Variants in THAP4 observed in about 807,000 individuals in gnomAD.
THAP4 encodes THAP domain containing 4.
In THAP4, 18 loss-of-function variants were observed where a neutral mutation model predicts 48.1. That is an observed-to-expected ratio of 0.37 (90% CI 0.26 to 0.56). THAP4 has a LOEUF of 0.56. Among genes scored for constraint, THAP4 ranks in the 20% least tolerant of loss-of-function variants. The pLI is 0.78. For missense variants in THAP4, 656 were observed against 774.9 expected (o/e 0.85, Z 1.82); for synonymous variants, 345 against 324.9 (o/e 1.06, Z -0.66).
chr2:241,587,205 T>C (rs2066905055), intron 5 of THAP4, among the ~76,000 whole-genome samples: 1 of 152,138 alleles, frequency 6.6e-6, no homozygotes, highest in Non-Finnish European at 1.5e-5. Flanking sequence ...AGATCTACCC[T>C]CCATGAGGGT....
At position 241,612,223 on chromosome 2, in the gene THAP4, A is replaced by T. The variant is rs1380105040; in HGVS notation, c.1241-5750T>A. Among the ~76,000 whole-genome samples, 2 of 152,208 alleles carry T rather than the reference A, an allele frequency of 1.3e-5. No individual in the cohort carries two copies. Among genetic ancestry groups the T allele is most frequent in the Non-Finnish European group, 2.9e-5 (2 of 68,042 alleles). ...AGCACAGGGAGAAACAAACACCGGGAAACACAGCGGAACACAGAGGACAGA... is the reference window on the plus strand; with the variant it reads ...AGCACAGGGAGAAACAAACACCGGGTAACACAGCGGAACACAGAGGACAGA... On this transcript the variant is annotated intron_variant, in intron 2 of 5. Transcript: ENST00000407315. The surrounding 1 kb of genome is among the most constrained non-coding windows in gnomAD (Gnocchi z 4.1).
At position 241,633,658 on chromosome 2, in the gene THAP4, C is replaced by A; in HGVS notation, c.499G>T (p.Ala167Ser). ...AAQEAASQEQ[A>S]QQALERTPGD... ...GGAGTCCGTTCCAGAGCTTGCTGGGCCTGCTCCTGGCTGGCGGCCTCCTGG... is the reference window on the plus strand; with the variant it reads ...GGAGTCCGTTCCAGAGCTTGCTGGGACTGCTCCTGGCTGGCGGCCTCCTGG... The change falls in exon 2 of 6, where the codon GCC becomes TCC. Residue 167 changes from alanine to serine, a missense_variant. Around this residue, in one of 4 missense-constraint regions of THAP4, gnomAD observed 391 missense variants for 412.4 expected, o/e 0.95. Coordinates refer to ENST00000407315, the MANE Select transcript of THAP4 (RefSeq NM_015963.6). The surrounding 1 kb of genome is among the most constrained non-coding windows in gnomAD (Gnocchi z 7.5). The A allele has an allele frequency of 1.2e-6, 2 of 1,612,346 alleles. No individual in the cohort carries two copies. Among genetic ancestry groups the A allele is most frequent in the African/African-American group, 1.3e-5 (1 of 75,052 alleles).
chr2:241,620,479 GTGAGTGA>G (rs1346324734), intron 2 of THAP4, among the ~76,000 whole-genome samples: 2 of 140,202 alleles, frequency 1.4e-5, no homozygotes, highest in South Asian at 2.4e-4. Flanking sequence ...GAGTGAGTTG[GTGAGTGA>G]GGAGTGAGTG....
chr2:241,633,562 C>G lies in THAP4; in HGVS notation c.595G>C (p.Asp199His), dbSNP rs778022736. The G allele has an allele frequency of 6.2e-7, 1 of 1,613,854 alleles. No homozygotes were observed. The highest frequency in any genetic ancestry group is 1.7e-5 in the Admixed American group (1 of 60,008). Reference sequence around the variant, plus strand: ...TCGATGGAGGAAGTGGCGCTCTCATCGCCAGCATCTGTGGCAGACGCTTCT... The same window carrying G: ...TCGATGGAGGAAGTGGCGCTCTCATGGCCAGCATCTGTGGCAGACGCTTCT... ...KAEASATDAG[D>H]ESATSSIEGG... The change falls in exon 2 of 6, where the codon GAT becomes CAT. Residue 199 changes from aspartate (D) to histidine (H), a missense_variant. By Grantham distance (81) the Asp-to-His change is moderately conservative (BLOSUM62 -1). Around this residue, in one of 4 missense-constraint regions of THAP4, gnomAD observed 391 missense variants for 412.4 expected, o/e 0.95. Coordinates refer to ENST00000407315, the MANE Select transcript of THAP4 (RefSeq NM_015963.6). This position sits in a 1 kb window ranked among gnomAD's most constrained non-coding sequence, Gnocchi z 7.5.
At chr2:241,629,499 T>G (rs953966879) in intron 2 of THAP4, among the ~76,000 whole-genome samples, 4 of 149,170 alleles carry the variant, frequency 2.7e-5, no homozygotes, top group African/African-American at 7.4e-5. Flanking sequence ...AAGAAAAAAT[T>G]GAAACATATC....
chr2:241,628,748 CAAAAAACAAAAAAAACA>C lies in THAP4; in HGVS notation c.1240+4152_1240+4168del, dbSNP rs1369496640. Among the ~76,000 whole-genome samples, 34 of 137,666 alleles carry C rather than the reference CAAAAAACAAAAAAAACA, an allele frequency of 2.5e-4. No individual in the cohort carries two copies. The East Asian group carries it at 7.2e-3, about 29-fold the overall frequency. 90.3% of individuals were successfully genotyped at this position (137,666 alleles called of 152,430 possible). A position where few individuals can be genotyped will look rare whatever the true frequency, so the allele number is the denominator to read the frequency against. On this transcript the variant is annotated intron_variant, in intron 2 of 5. Coordinates refer to ENST00000407315, the MANE Select transcript of THAP4 (RefSeq NM_015963.6). ...AACCCCATCTCTACAAAAAAAAAAA[CAAAAAACAAAAAAAACA>C]AAAAAACAAAAAAACACACAAAAAA... is the stretch of plus-strand genomic sequence containing the variant.
rs1329949894 is a variant in THAP4, at chr2:241,610,097, G to A, written c.1241-3624C>T. Among the ~76,000 whole-genome samples, 1 of 152,178 alleles carries A rather than the reference G, an allele frequency of 6.6e-6. No homozygotes were observed. Among genetic ancestry groups the A allele is most frequent in the African/African-American group, 2.4e-5 (1 of 41,460 alleles). ...CCTGGGTCCCGAGGGCCCCGAGGAA[G>A]AGGCCAAGGGGCCTGGCGGCGCCCC... On this transcript the variant is annotated intron_variant, in intron 2 of 5. Coordinates refer to ENST00000407315, the MANE Select transcript of THAP4 (RefSeq NM_015963.6). The surrounding 1 kb of genome is among the most constrained non-coding windows in gnomAD (Gnocchi z 4.2).
intron 2 of THAP4, 146 bp from the exon 3 acceptor site, chr2:241,606,619 T>C: frequency 1.4e-6 from 1 of 740,230 alleles, no homozygotes; most frequent in Non-Finnish European, 2.1e-6. Context: ...GAGAAAATGG[T>C]CAAGCAACTG....
At position 241,612,724 on chromosome 2, in the gene THAP4, G is replaced by A. The variant is rs2067291759; in HGVS notation, c.1241-6251C>T. On this transcript the variant is annotated intron_variant, in intron 2 of 5. Coordinates refer to ENST00000407315, the MANE Select transcript of THAP4 (RefSeq NM_015963.6). This position sits in a 1 kb window ranked among gnomAD's most constrained non-coding sequence, Gnocchi z 4.1. ...AAGGTGCAGAACACACACATCTACA[G>A]AGACAGAACGTGGGTCAGTGTTTCT... is the stretch of plus-strand genomic sequence containing the variant. Among the ~76,000 whole-genome samples, 1 of 152,230 alleles carries A rather than the reference G, an allele frequency of 6.6e-6. No individual in the cohort carries two copies. The highest frequency in any genetic ancestry group is 2.1e-4 in the South Asian group (1 of 4,832).
intron 2 of THAP4, among the ~76,000 whole-genome samples, chr2:241,624,802 A>G (rs2067477056): frequency 6.6e-6 from 1 of 152,104 alleles, no homozygotes; most frequent in Non-Finnish European, 1.5e-5. Flanking sequence ...CTCATCTGGG[A>G]GCCCCCCAAG....
At chr2:241,636,676 C>A (rs2067665018) in intron 1 of THAP4, among the ~76,000 whole-genome samples, 1 of 152,142 alleles carries the variant, frequency 6.6e-6, no homozygotes, top group East Asian at 1.9e-4. Flanking sequence ...CCAGAGCGTG[C>A]GGCTTCTGAA....
chr2:241,637,349 A>C (rs2067692842), upstream of THAP4: 5 of 1,311,852 alleles, frequency 3.8e-6, no homozygotes, highest in Non-Finnish European at 4.9e-6. Flanking sequence ...GGGCGCGCCG[A>C]GCACGTCCGT....
Position 241,621,414 on chromosome 2 carries a change from G to C in THAP4, c.1240+11503C>G, listed in dbSNP as rs144656324. 1.1e-3 allele frequency among the ~76,000 whole-genome samples: 173 copies of C among 152,208 alleles called. 1 individual carries two copies. The highest frequency in any genetic ancestry group is 3.8e-3 in the African/African-American group (156 of 41,528). On this transcript the variant is annotated intron_variant, in intron 2 of 5. Transcript: ENST00000407315. ...CTAAGGGCTCTAATGGAAAAAGTGG[G>C]TGATAGGCAAGAAAACATGGGCAAT...
chr2:241,632,578 C>G (rs1005578381), intron 2 of THAP4, among the ~76,000 whole-genome samples: 14 of 152,244 alleles, frequency 9.2e-5, no homozygotes, highest in African/African-American at 3.1e-4. Flanking sequence ...CCTAACTCAT[C>G]TGGAATTTCT....
chr2:241,636,568 G>A (rs992889223), intron 1 of THAP4, among the ~76,000 whole-genome samples: 2 of 152,222 alleles, frequency 1.3e-5, no homozygotes, highest in Non-Finnish European at 2.9e-5. Context: ...GCGTCTGCCC[G>A]GTCGCTCCTG....
intron 1 of THAP4, among the ~76,000 whole-genome samples, chr2:241,635,364 G>C (rs575700717): frequency 6.6e-6 from 1 of 152,226 alleles, no homozygotes; most frequent in South Asian, 2.1e-4. Flanking sequence ...AGCAACCAGC[G>C]CAGGAAGATA....
chr2:241,619,432 C>T (rs944221920), intron 2 of THAP4, among the ~76,000 whole-genome samples: 3 of 152,242 alleles, frequency 2.0e-5, no homozygotes, highest in African/African-American at 4.8e-5. Flanking sequence ...CCGCGTACCA[C>T]GCACCTAGGC....
At chr2:241,625,685 C>A (rs2067487297) in intron 2 of THAP4, among the ~76,000 whole-genome samples, 1 of 147,788 alleles carries the variant, frequency 6.8e-6, no homozygotes, top group South Asian at 2.1e-4. Context: ...GTGGTCCCAG[C>A]TACTAGGGAG....
chr2:241,585,626 G>A (rs906366823), intron 5 of THAP4, among the ~76,000 whole-genome samples: 2 of 152,202 alleles, frequency 1.3e-5, no homozygotes, highest in Non-Finnish European at 1.5e-5. Flanking sequence ...TTTGCTGCCC[G>A]GAAGTCAAGG....
Sources: allele counts gnomAD v4.1 joint callset (sites outside exome capture counted in the v4.1 genomes callset), GRCh38; gene constraint gnomAD v4.1.1; regional missense constraint gnomAD v4.1.1; non-coding constraint Gnocchi (gnomAD v3.1); transcripts MANE v1.5; gene names NCBI Gene and HGNC (gene_info 2026-07-23, HGNC 2026-07-21).